The following GTF2E2 variants were observed in gnomAD, a reference collection of about 807,000 sequenced individuals.
GTF2E2 encodes general transcription factor IIE subunit 2.
In GTF2E2, 21 loss-of-function variants were observed where a neutral mutation model predicts 40.5. That is an observed-to-expected ratio of 0.52 (90% CI 0.37 to 0.75). The LOEUF (loss-of-function observed/expected upper bound fraction) is 0.75. GTF2E2 is among the 30% of genes least tolerant of loss of function. The probability of loss-of-function intolerance (pLI) is 0.00; values close to 1 mark genes in which losing one functional copy is unlikely to be tolerated. For synonymous variants in GTF2E2, 117 were observed against 121.6 expected, an observed-to-expected ratio of 0.96 and a Z score of 0.25; for missense variants, 298 against 338.4, an observed-to-expected ratio of 0.88 and a Z score of 0.94.
Position 30,635,111 on chromosome 8 carries a change from C to G in GTF2E2, c.179G>C (p.Gly60Ala). ...GSKQNSDHSNGSFNLKALSGS... is the reference protein window; with the variant it reads ...GSKQNSDHSNASFNLKALSGS... ...TGACAAAGCTTTCAAGTTAAATGAT[C>G]CATTGCTATGATCTGCAAATGAAGT... The change falls in exon 3 of 8, where the codon GGA (glycine) becomes GCA (alanine). Residue 60 changes from glycine (G) to alanine (A), a missense_variant. Gly to Ala is a moderately conservative substitution (Grantham distance 60, BLOSUM62 0). Coordinates refer to ENST00000355904, the MANE Select transcript of GTF2E2 (RefSeq NM_002095.6). 6.3e-7 allele frequency: 1 copy of G among 1,594,702 alleles called. No homozygotes were observed. The highest frequency in any genetic ancestry group is 8.6e-7 in the Non-Finnish European group (1 of 1,163,324).
chr8:30,635,039 TA>T lies in GTF2E2; in HGVS notation c.250del (p.Tyr84ThrfsTer2). 2 of 1,573,358 alleles carry T rather than the reference TA, an allele frequency of 1.3e-6. No homozygotes were observed. Among genetic ancestry groups the T allele is most frequent in the Non-Finnish European group, 1.7e-6 (2 of 1,145,940 alleles). ...KFGVLAKIVNYMKTRHQRGDT... is the reference protein window; with the variant it reads ...KFGVLAKIVNXMKTRHQRGDT... ...TCTGAGAAAAGTACTTACCTTCATG[TA>T]ATTCACAATCTTAGCAAGAACACCA... is the stretch of plus-strand genomic sequence containing the variant. On this transcript the variant is annotated frameshift_variant, in exon 3 of 8. Coordinates refer to ENST00000355904, the MANE Select transcript of GTF2E2 (RefSeq NM_002095.6). LOFTEE classifies it high-confidence loss of function.
chr8:30,604,150 A>G (rs2151121842), intron 6 of GTF2E2, among the ~76,000 whole-genome samples: 1 of 152,256 alleles, frequency 6.6e-6, no homozygotes, highest in East Asian at 1.9e-4. Flanking sequence ...TCTTTTTATG[A>G]ACCCAGCATA....
At chr8:30,603,001 T>C (rs1191202474) in intron 6 of GTF2E2, among the ~76,000 whole-genome samples, 2 of 152,168 alleles carry the variant, frequency 1.3e-5, no homozygotes, top group Non-Finnish European at 2.9e-5. Context: ...CACCTTACCA[T>C]AGAGCTCATT....
At chr8:30,611,866 A>G (rs1391527409) in intron 5 of GTF2E2, among the ~76,000 whole-genome samples, 2 of 152,258 alleles carry the variant, frequency 1.3e-5, no homozygotes, top group Non-Finnish European at 1.5e-5. Context: ...CATCTGTATC[A>G]GTAGGACTTT....
At chr8:30,647,854 T>TC (rs1428841987) in intron 2 of GTF2E2, among the ~76,000 whole-genome samples, 1 of 152,120 alleles carries the variant, frequency 6.6e-6, no homozygotes, top group African/African-American at 2.4e-5. Flanking sequence ...ACCAACTTTC[T>TC]CCCCCACCCT....
intron 3 of GTF2E2, among the ~76,000 whole-genome samples, 189 bp downstream of exon 3, chr8:30,634,843 G>A (rs532879720): frequency 1.6e-4 from 25 of 152,190 alleles, no homozygotes; most frequent in Non-Finnish European, 3.4e-4. Context: ...TTGGTAACTC[G>A]CCACAATGCC....
In GTF2E2 at chr8:30,607,139, G is replaced by A. The variant is rs760741546; in HGVS notation, c.561C>T (p.Asp187=). The change falls in exon 6 of 8, where the codon GAC becomes GAT. Residue 187 remains aspartate (D), a synonymous_variant. Coordinates refer to ENST00000355904, the MANE Select transcript of GTF2E2 (RefSeq NM_002095.6). ...NSQKAVKALG[D]QILFVNRPDK... is the part of the protein sequence containing the mutation. ...CGGGACGATTTACAAATAGTATCTGGTCCCCCAAAGCCTTAAAGATAGATA... is the reference window on the plus strand; with the variant it reads ...CGGGACGATTTACAAATAGTATCTGATCCCCCAAAGCCTTAAAGATAGATA... 5 of 1,362,834 alleles carry A rather than the reference G, an allele frequency of 3.7e-6. No homozygotes were observed. The highest frequency in any genetic ancestry group is 1.9e-5 in the Admixed American group (1 of 53,342). 84.4% of individuals were successfully genotyped at this position (1,362,834 alleles called of 1,614,324 possible).
chr8:30,618,960 T>C (rs1226255370), intron 3 of GTF2E2, among the ~76,000 whole-genome samples: 1 of 152,188 alleles, frequency 6.6e-6, no homozygotes, highest in Admixed American at 6.5e-5. Flanking sequence ...ATTATCTTCT[T>C]TGAGATGTAG....
rs760465588 is a variant in GTF2E2 at position 30,578,861 on chromosome 8, C to A, written c.*60G>T. The A allele has an allele frequency of 2.3e-5, 20 of 855,880 alleles. No homozygotes were observed. Among genetic ancestry groups the A allele is most frequent in the Non-Finnish European group, 3.7e-5 (18 of 489,460 alleles). The allele number at this position is 855,880 out of a possible 1,614,324, so 53.0% of individuals were successfully genotyped here. A position where few individuals can be genotyped will look rare whatever the true frequency, so the allele number is the denominator to read the frequency against. On this transcript the variant is annotated 3_prime_UTR_variant, in exon 8 of 8. Coordinates refer to ENST00000355904, the MANE Select transcript of GTF2E2 (RefSeq NM_002095.6). ...AGGAAGACAGTCTTCAGACCCCGAG[C>A]ATCAGCAAGAACACTCTTGATTGTG... is the stretch of plus-strand genomic sequence containing the variant.
At chr8:30,624,660 C>T (rs1801214756) in intron 3 of GTF2E2, among the ~76,000 whole-genome samples, 1 of 152,012 alleles carries the variant, frequency 6.6e-6, no homozygotes, top group African/African-American at 2.4e-5. Flanking sequence ...AATGTTCTTC[C>T]ATTTGTTTGT....
At chr8:30,640,992 T>G (rs1801801828) in intron 2 of GTF2E2, among the ~76,000 whole-genome samples, 1 of 152,140 alleles carries the variant, frequency 6.6e-6, no homozygotes, top group African/African-American at 2.4e-5. Context: ...GGCCTAATGG[T>G]ATATTTCTTT....
chr8:30,611,415 T>G (rs1013524860), intron 5 of GTF2E2, among the ~76,000 whole-genome samples: 1 of 152,066 alleles, frequency 6.6e-6, no homozygotes, highest in African/African-American at 2.4e-5. Flanking sequence ...AAAGCAGCTA[T>G]AAGAAATCAT....
At chr8:30,656,821 A>AAAAG (rs1192704581) in intron 1 of GTF2E2, 1 of 151,668 alleles carries the variant, frequency 6.6e-6, no homozygotes, top group Non-Finnish European at 1.5e-5. Flanking sequence ...AAAAAAAAAA[A>AAAAG]AAAAAAGTAA....
At chr8:30,589,627 T>C (rs1330118098) in intron 6 of GTF2E2, among the ~76,000 whole-genome samples, 1 of 152,206 alleles carries the variant, frequency 6.6e-6, no homozygotes, top group Non-Finnish European at 1.5e-5. Flanking sequence ...TGCCACTTCA[T>C]CCTCAACATT....
chr8:30,631,436 A>G (rs943687915), intron 3 of GTF2E2, among the ~76,000 whole-genome samples: 1 of 152,238 alleles, frequency 6.6e-6, no homozygotes, highest in African/African-American at 2.4e-5. Flanking sequence ...CTTTAAATAT[A>G]AAAGAAATAC....
intron 6 of GTF2E2, among the ~76,000 whole-genome samples, chr8:30,599,754 G>A (rs577429069): frequency 6.6e-6 from 1 of 152,312 alleles, no homozygotes; most frequent in South Asian, 2.1e-4. Flanking sequence ...GGAGGCCAAG[G>A]TGGGCAGATC....
chr8:30,647,324 C>T lies in GTF2E2; in HGVS notation c.166+6109G>A, dbSNP rs1352426081. Among the ~76,000 whole-genome samples the T allele has an allele frequency of 2.6e-5, 4 of 152,144 alleles. No individual in the cohort carries two copies. The East Asian group carries it at 7.7e-4, about 29-fold the overall frequency. ...GGCTGGGCGCGGTGGCTCACGCCTG[C>T]AATCCTAGCAGTTTGCAAGGCCGAG... On this transcript the variant is annotated intron_variant, in intron 2 of 7. Coordinates refer to ENST00000355904, the MANE Select transcript of GTF2E2 (RefSeq NM_002095.6).
chr8:30,599,153 C>T (rs776704502), intron 6 of GTF2E2, among the ~76,000 whole-genome samples: 2 of 152,300 alleles, frequency 1.3e-5, no homozygotes, highest in Non-Finnish European at 2.9e-5. Flanking sequence ...AATTTTACAA[C>T]AGACATTTGG....
At chr8:30,650,068 A>G (rs1396594712) in intron 2 of GTF2E2, among the ~76,000 whole-genome samples, 1 of 152,176 alleles carries the variant, frequency 6.6e-6, no homozygotes, top group Admixed American at 6.5e-5. Context: ...AAATAGGTGA[A>G]AAGGGAGCAC....
Sources: allele counts gnomAD v4.1 joint callset (sites outside exome capture counted in the v4.1 genomes callset), GRCh38; gene constraint gnomAD v4.1.1; transcripts MANE v1.5; gene names NCBI Gene and HGNC (gene_info 2026-07-23, HGNC 2026-07-21).